Variants in AHRR observed in about 807,000 individuals in gnomAD.
AHRR encodes the protein aryl hydrocarbon receptor repressor.
In AHRR, 28 loss-of-function variants were observed where a neutral mutation model predicts 44.0. The observed-to-expected ratio is 0.64, with a 90% CI of 0.47 to 0.87. The LOEUF (loss-of-function observed/expected upper bound fraction) is 0.87. Among genes scored for constraint, AHRR ranks in the 40% least tolerant of loss-of-function variants. AHRR has a pLI of 0.00. For synonymous variants in AHRR, 434 were observed against 407.0 expected (o/e 1.07, Z -0.80); for missense variants, 990 against 953.9 (o/e 1.04, Z -0.50).
At position 438,216 on chromosome 5, in the gene AHRR, A is replaced by G. The variant is rs909825114; in HGVS notation, c.*3382A>G. The G allele has an allele frequency of 6.6e-6, 1 of 152,340 alleles. No individual in the cohort carries two copies. The highest frequency in any genetic ancestry group is 1.5e-5 in the Non-Finnish European group (1 of 68,032). 9.4% of individuals were successfully genotyped at this position (152,340 alleles called of 1,614,324 possible). On this transcript the variant is annotated 3_prime_UTR_variant, in exon 11 of 11. Coordinates refer to ENST00000684583, the MANE Select transcript of AHRR (RefSeq NM_001377236.1). ...TTAGGAAGCTTTCAAATTTTTTTGT[A>G]CTGTGGTTTGTATTAAATTTGCAAT...
At chr5:407,332 T>C (rs994814989) in intron 4 of AHRR, among the ~76,000 whole-genome samples, 2 of 152,192 alleles carry the variant, frequency 1.3e-5, no homozygotes, top group Admixed American at 1.3e-4. Context: ...AATACAATTT[T>C]TTGTGTCTCG....
intron 1 of AHRR, among the ~76,000 whole-genome samples, chr5:332,521 C>T (rs1259801390): frequency 1.3e-5 from 2 of 152,104 alleles, no homozygotes; most frequent in Non-Finnish European, 2.9e-5. Context: ...CCGCCTCGGC[C>T]TCCCAAAGTG....
intron 3 of AHRR, among the ~76,000 whole-genome samples, chr5:354,352 G>A (rs921775109): frequency 3.0e-5 from 4 of 133,458 alleles, no homozygotes; most frequent in Non-Finnish European, 7.0e-5. Context: ...GGAGGCTGAG[G>A]CAGCTGACTA....
At chr5:399,292 GGCGCTTCTGGA>G (rs1734909513) in intron 4 of AHRR, among the ~76,000 whole-genome samples, 1 of 152,246 alleles carries the variant, frequency 6.6e-6, no homozygotes, top group South Asian at 2.1e-4. Flanking sequence ...GGATGGGCCT[GGCGCTTCTGGA>G]GGGAGATTCA....
At chr5:426,215 T>A (rs1243716950) in intron 7 of AHRR, among the ~76,000 whole-genome samples, 4 of 152,206 alleles carry the variant, frequency 2.6e-5, no homozygotes, top group East Asian at 1.9e-4. Flanking sequence ...GAAAGATGGA[T>A]GAATGGATGA....
At chr5:403,714 AT>A in intron 4 of AHRR, 3 of 972,668 alleles carry the variant, frequency 3.1e-6, no homozygotes, top group Middle Eastern at 2.9e-4. Flanking sequence ...TCAGAGGCAT[AT>A]TTTTCCGTAT....
chr5:347,592 G>A (rs1250651592), intron 2 of AHRR, among the ~76,000 whole-genome samples: 1 of 152,240 alleles, frequency 6.6e-6, no homozygotes, highest in East Asian at 1.9e-4. Context: ...GACAGTGAAT[G>A]ACTTGAATAG....
Position 405,934 on chromosome 5 carries a change from C to A in AHRR, c.352-7410C>A, listed in dbSNP as rs1735236773. The stretch of plus-strand genomic sequence containing the variant: ...TGAATTAGGCGTGGTGTGGCAGCGT[C>A]CAGGGAAGAACACGCAGCCTCTGGT... On this transcript the variant is annotated intron_variant, in intron 4 of 10. Coordinates refer to ENST00000684583, the MANE Select transcript of AHRR (RefSeq NM_001377236.1). The surrounding 1 kb of genome is among the most constrained non-coding windows in gnomAD (Gnocchi z 4.5). 6.6e-6 allele frequency among the ~76,000 whole-genome samples: 1 copy of A among 152,164 alleles called. No homozygotes were observed. Among genetic ancestry groups the A allele is most frequent in the Non-Finnish European group, 1.5e-5 (1 of 68,042 alleles).
At chr5:432,767 C>G (rs75031067) in intron 9 of AHRR, 39 bp from the exon 10 acceptor site, 2 of 1,612,960 alleles carry the variant, frequency 1.2e-6, no homozygotes, top group Non-Finnish European at 1.7e-6. Flanking sequence ...CTCCTCAGCT[C>G]GCACCGTGAC....
chr5:391,732 A>C (rs1447297113), intron 4 of AHRR, among the ~76,000 whole-genome samples: 5 of 4,190 alleles, frequency 1.2e-3, no homozygotes, highest in Admixed American at 1.9e-3. Flanking sequence ...CAGGGCGAGG[A>C]GGGCGCAGGG....
At position 404,203 on chromosome 5, in the gene AHRR, C is replaced by G; in HGVS notation, c.352-9141C>G. The G allele has an allele frequency of 1.9e-6, 1 of 527,872 alleles. No homozygotes were observed. The highest frequency in any genetic ancestry group is 3.7e-6 in the Non-Finnish European group (1 of 270,894). 32.7% of individuals were successfully genotyped at this position (527,872 alleles called of 1,614,324 possible). A position where few individuals can be genotyped will look rare whatever the true frequency, so the allele number is the denominator to read the frequency against. Reference sequence around the variant, plus strand: ...GAGCTGGTCTTCTGCAGCCTTTGAACCCGTCGCAGCTCTCGCTCATCCATG... The same window carrying G: ...GAGCTGGTCTTCTGCAGCCTTTGAAGCCGTCGCAGCTCTCGCTCATCCATG... On this transcript the variant is annotated intron_variant, in intron 4 of 10. Coordinates refer to ENST00000684583, the MANE Select transcript of AHRR (RefSeq NM_001377236.1). The surrounding 1 kb of genome is among the most constrained non-coding windows in gnomAD (Gnocchi z 4.1).
chr5:422,843 C>T lies in AHRR; in HGVS notation c.556C>T (p.Pro186Ser). Residue 186 changes from proline (P) to serine (S), a missense_variant, in exon 6 of 11, where the codon CCG becomes TCG. Transcript: ENST00000684583. ...TCCCCAGGTGGTGTTTGGGCAGCCC[C>T]CGCCCTTGGAGACAGGTGGGTGTCT... ...DPPQVVFGQPPPLETGDDAIL... is the reference protein window; with the variant it reads ...DPPQVVFGQPSPLETGDDAIL... The T allele has an allele frequency of 2.5e-6, 4 of 1,612,458 alleles. No individual in the cohort carries two copies. Among genetic ancestry groups the T allele is most frequent in the Non-Finnish European group, 3.4e-6 (4 of 1,178,900 alleles).
chr5:421,403 C>T (rs1430177722), intron 5 of AHRR: 3 of 574,224 alleles, frequency 5.2e-6, no homozygotes, highest in Non-Finnish European at 9.4e-6. Context: ...GAGGGCGGCC[C>T]GGACTCAGAG....
chr5:346,132 C>T (rs1742669295), intron 2 of AHRR, among the ~76,000 whole-genome samples: 1 of 152,200 alleles, frequency 6.6e-6, no homozygotes, highest in African/African-American at 2.4e-5. Context: ...GCGCTGCTTG[C>T]GAACAAGCTC....
chr5:391,342 G>A (rs1435960725), intron 4 of AHRR, among the ~76,000 whole-genome samples: 1 of 129,186 alleles, frequency 7.7e-6, no homozygotes, highest in Non-Finnish European at 1.7e-5. Context: ...GGGCGAGGCG[G>A]GCGCAGGGCG....
chr5:432,409 CAT>C (rs892440654), intron 8 of AHRR, 52 bp from the exon 9 acceptor site: 30 of 1,544,376 alleles, frequency 1.9e-5, no homozygotes, highest in African/African-American at 5.4e-5. Context: ...GTTTCATCCA[CAT>C]GTCATCTTGT....
chr5:331,695 C>T (rs546711449), intron 1 of AHRR, among the ~76,000 whole-genome samples: 6 of 152,146 alleles, frequency 3.9e-5, no homozygotes, highest in Admixed American at 2.0e-4. Context: ...GAGTGGTGGA[C>T]GGGTGAGCAT....
rs1422574351 is a variant in AHRR, at chr5:435,140, G to A, written c.*306G>A. 1.6e-5 allele frequency: 6 copies of A among 365,178 alleles called. No homozygotes were observed. Among genetic ancestry groups the A allele is most frequent in the Non-Finnish European group, 2.5e-5 (5 of 202,152 alleles). 22.6% of individuals were successfully genotyped at this position (365,178 alleles called of 1,614,324 possible). A position where few individuals can be genotyped will look rare whatever the true frequency, so the allele number is the denominator to read the frequency against. On this transcript the variant is annotated 3_prime_UTR_variant, in exon 11 of 11. Transcript: ENST00000684583. Reference sequence around the variant, plus strand: ...GGCTGGACAGCTTCATGCCCCAGAGGCAGCGAGCACCCGTCCCATGGCTGC... The same window carrying A: ...GGCTGGACAGCTTCATGCCCCAGAGACAGCGAGCACCCGTCCCATGGCTGC...
chr5:422,531 G>A, intron 5 of AHRR, 198 bp from the exon 6 acceptor site: 3 of 663,030 alleles, frequency 4.5e-6, no homozygotes, highest in East Asian at 2.9e-5. Context: ...GTGGGCGGGT[G>A]CTCCAGGCAA....
Sources: allele counts gnomAD v4.1 joint callset (sites outside exome capture counted in the v4.1 genomes callset), GRCh38; gene constraint gnomAD v4.1.1; non-coding constraint Gnocchi (gnomAD v3.1); transcripts MANE v1.5; gene names NCBI Gene and HGNC (gene_info 2026-07-23, HGNC 2026-07-21).